ATP11A: variants seen among roughly 807,000 people sequenced by gnomAD.
The protein encoded by ATP11A is phospholipid-transporting ATPase IH.
ATP11A carries 81 observed loss-of-function variants against 154.4 expected under a neutral mutation model. The observed-to-expected ratio is 0.52, with a 90% confidence interval of 0.44 to 0.63. The LOEUF (loss-of-function observed/expected upper bound fraction) is 0.63. ATP11A is among the 30% of genes least tolerant of loss of function. The pLI, the probability that ATP11A is intolerant of heterozygous loss-of-function variation, is 0.00. For missense variants in ATP11A, 1,316 were observed against 1,474.3 expected (o/e 0.89, Z 1.76); for synonymous variants, 623 against 585.9 (o/e 1.06, Z -0.91).
intron 25 of ATP11A, among the ~76,000 whole-genome samples, 192 bp from the exon 26 acceptor site, chr13:112,871,543 G>T (rs2080520607): frequency 6.6e-6 from 1 of 152,150 alleles, no homozygotes; most frequent in African/African-American, 2.4e-5. Context: ...GGAAATGGGG[G>T]CGTCCTGCCG....
At chr13:112,723,918 G>T (rs963946240) in intron 1 of ATP11A, among the ~76,000 whole-genome samples, 3 of 152,220 alleles carry the variant, frequency 2.0e-5, no homozygotes, top group South Asian at 2.1e-4. Flanking sequence ...GGGAACGCTC[G>T]TGTCACACGG....
At position 112,733,478 on chromosome 13, in the gene ATP11A, C is replaced by T. The variant is rs185482408; in HGVS notation, c.39+43023C>T. Among the ~76,000 whole-genome samples the T allele has an allele frequency of 2.6e-5, 4 of 152,316 alleles. No homozygotes were observed. The East Asian group carries it at 7.7e-4, about 29-fold the overall frequency. ...ACTGGATATTAACAATTTAAAACAC[C>T]TTTGACATATTTTCATTTGTATTTC... On this transcript the variant is annotated intron_variant, in intron 1 of 29. Coordinates refer to ENST00000375645, the MANE Select transcript of ATP11A (RefSeq NM_015205.3).
intron 17 of ATP11A, among the ~76,000 whole-genome samples, chr13:112,845,994 C>T (rs1282560509): frequency 1.3e-5 from 2 of 152,244 alleles, no homozygotes; most frequent in Non-Finnish European, 2.9e-5. Flanking sequence ...GAAGCAGCTG[C>T]TGCGGGCCGC....
Position 112,879,727 on chromosome 13 carries a change from G to T in ATP11A, c.*9+1424G>T, listed in dbSNP as rs554311650. ...GGCGCACACGGGAACACGCCGTGGC[G>T]CCGAGACCACCTGCGTTCTGCAAAA... is the stretch of plus-strand genomic sequence containing the variant. On this transcript the variant is annotated intron_variant, in intron 29 of 29. Transcript: ENST00000375645. Among the ~76,000 whole-genome samples, 153 of 152,350 alleles carry T rather than the reference G, an allele frequency of 1.0e-3. 1 individual carries two copies. The highest frequency in any genetic ancestry group is 3.6e-3 in the African/African-American group (148 of 41,584).
At chr13:112,833,256 G>C (rs559441581) in intron 14 of ATP11A, among the ~76,000 whole-genome samples, 5 of 152,102 alleles carry the variant, frequency 3.3e-5, no homozygotes, top group Non-Finnish European at 7.4e-5. Flanking sequence ...CTGACTTTGC[G>C]TGGGTGGCTT....
At chr13:112,871,464 G>A (rs1400334907) in intron 25 of ATP11A, among the ~76,000 whole-genome samples, 1 of 152,204 alleles carries the variant, frequency 6.6e-6, no homozygotes, top group Non-Finnish European at 1.5e-5. Flanking sequence ...GGAGCGGGCA[G>A]CAAGTTGCAG....
At chr13:112,873,266 G>A (rs1287628126) in intron 26 of ATP11A, among the ~76,000 whole-genome samples, 3 of 150,522 alleles carry the variant, frequency 2.0e-5, no homozygotes, top group East Asian at 2.0e-4. Flanking sequence ...GTGTGGCTTT[G>A]TCTTCCTGAG....
chr13:112,776,194 C>T (rs2077345309), intron 1 of ATP11A, among the ~76,000 whole-genome samples: 1 of 152,214 alleles, frequency 6.6e-6, no homozygotes, highest in Admixed American at 6.5e-5. Context: ...TGAAGGCACA[C>T]CTTGGGGCTG....
intron 17 of ATP11A, among the ~76,000 whole-genome samples, chr13:112,850,143 GAGTT>G (rs2079722019): frequency 6.6e-6 from 1 of 152,196 alleles, no homozygotes; most frequent in Non-Finnish European, 1.5e-5. Flanking sequence ...CCTTCCCTGA[GAGTT>G]AGGAGACGCT....
chr13:112,730,108 G>A (rs1032292673), intron 1 of ATP11A, among the ~76,000 whole-genome samples: 1 of 152,216 alleles, frequency 6.6e-6, no homozygotes, highest in Non-Finnish European at 1.5e-5. Flanking sequence ...AAAAGAGCCC[G>A]TGGGAACCCT....
At chr13:112,714,624 G>GTAT (rs1474240130) in intron 1 of ATP11A, among the ~76,000 whole-genome samples, 1 of 152,340 alleles carries the variant, frequency 6.6e-6, no homozygotes, top group African/African-American at 2.4e-5. Flanking sequence ...CGCGTTCTGC[G>GTAT]TGATGAGACT....
At chr13:112,776,909 C>T (rs911089127) in intron 1 of ATP11A, among the ~76,000 whole-genome samples, 2 of 152,152 alleles carry the variant, frequency 1.3e-5, no homozygotes, top group Non-Finnish European at 2.9e-5. Flanking sequence ...GATGACCTGT[C>T]GGGTGAGAGG....
At chr13:112,779,589 C>T (rs754455417) in intron 1 of ATP11A, among the ~76,000 whole-genome samples, 8 of 152,204 alleles carry the variant, frequency 5.3e-5, no homozygotes, top group Admixed American at 1.3e-4. Flanking sequence ...ACACAGAAGA[C>T]TGAAACAGAG....
At chr13:112,759,957 G>A (rs1255378533) in intron 1 of ATP11A, among the ~76,000 whole-genome samples, 1 of 152,192 alleles carries the variant, frequency 6.6e-6, no homozygotes, top group Non-Finnish European at 1.5e-5. Flanking sequence ...TCGAATCGAT[G>A]TGCTGAGCTA....
chr13:112,702,345 CAA>C (rs35687422), intron 1 of ATP11A, among the ~76,000 whole-genome samples: 6 of 121,732 alleles, frequency 4.9e-5, no homozygotes, highest in Non-Finnish European at 8.3e-5. Context: ...GATTCTGTCT[CAA>C]AAAAAAAAAA....
At chr13:112,695,898 G>A (rs1354020481) in intron 1 of ATP11A, among the ~76,000 whole-genome samples, 1 of 152,212 alleles carries the variant, frequency 6.6e-6, no homozygotes, top group Admixed American at 6.5e-5. Flanking sequence ...AAAATCAATA[G>A]CAAGCAAGTT....
At chr13:112,799,832 A>G (rs1566498202) in intron 2 of ATP11A, among the ~76,000 whole-genome samples, 1 of 152,252 alleles carries the variant, frequency 6.6e-6, no homozygotes, top group Non-Finnish European at 1.5e-5. Context: ...TAGAAATCAT[A>G]CCAAGTACTC....
At chr13:112,729,657 A>G (rs750572777) in intron 1 of ATP11A, among the ~76,000 whole-genome samples, 12 of 152,238 alleles carry the variant, frequency 7.9e-5, no homozygotes, top group Non-Finnish European at 1.6e-4. Context: ...CTGAGTGTGA[A>G]CAGCGTCAGA....
intron 10 of ATP11A, among the ~76,000 whole-genome samples, 167 bp downstream of exon 10, chr13:112,824,592 G>A (rs1172846410): frequency 6.6e-6 from 1 of 152,150 alleles, no homozygotes; most frequent in Non-Finnish European, 1.5e-5. Context: ...TTGTGGTGAG[G>A]TGGATGGCCA....
Sources: allele counts gnomAD v4.1 joint callset (sites outside exome capture counted in the v4.1 genomes callset), GRCh38; gene constraint gnomAD v4.1.1; transcripts MANE v1.5; gene names NCBI Gene and HGNC (gene_info 2026-07-23, HGNC 2026-07-21).